ACBD6: variants seen among roughly 807,000 people sequenced by gnomAD.
ACBD6 encodes the protein acyl-CoA-binding domain-containing protein 6.
A neutral mutation model predicts 37.2 loss-of-function variants in ACBD6; 28 were observed. The ratio of observed to expected loss-of-function variants is 0.75; its 90% CI spans 0.56 to 1.03. The LOEUF is 1.03. Ranked by LOEUF, ACBD6 falls within the 50% of genes least tolerant of loss-of-function variation. ACBD6 has a pLI of 0.00. For missense variants in ACBD6, 340 were observed against 337.4 expected (o/e 1.01, Z -0.06); for synonymous variants, 113 against 126.8 (o/e 0.89, Z 0.73).
Position 180,330,285 on chromosome 1 carries a change from C to T in ACBD6, c.664-15563G>A, listed in dbSNP as rs1428301317. On this transcript the variant is annotated intron_variant, in intron 6 of 7. Transcript: ENST00000367595. ...TTTTTTTTTTTAAAGCCAGGTGTGG[C>T]GGTGCACACCTCTGGTCCCAGCTAT... is the stretch of plus-strand genomic sequence containing the variant. 4.7e-5 allele frequency among the ~76,000 whole-genome samples: 7 copies of T among 149,020 alleles called. No individual in the cohort carries two copies. The East Asian group carries it at 7.9e-4, about 17-fold the overall frequency.
intron 6 of ACBD6, among the ~76,000 whole-genome samples, chr1:180,388,709 G>T (rs983900836): frequency 6.6e-6 from 1 of 151,922 alleles, no homozygotes; most frequent in East Asian, 1.9e-4. Context: ...CCAAAGTGCT[G>T]GGATTACAGG....
At chr1:180,274,414 T>C (rs1414840909) in intron 10 of ACBD6, 1 of 1,614,162 alleles carries the variant, frequency 6.2e-7, no homozygotes, top group Admixed American at 1.7e-5. Context: ...CGGTGGACAG[T>C]AATTTGGGCA....
chr1:180,329,444 G>A (rs914256037), intron 6 of ACBD6, among the ~76,000 whole-genome samples: 5 of 152,094 alleles, frequency 3.3e-5, no homozygotes, highest in African/African-American at 1.2e-4. Flanking sequence ...CTAAGGATTG[G>A]AAATCAGACA....
intron 4 of ACBD6, among the ~76,000 whole-genome samples, chr1:180,426,779 T>C (rs957210954): frequency 3.9e-5 from 6 of 152,228 alleles, no homozygotes; most frequent in South Asian, 2.1e-4. Context: ...AGGATGTCTA[T>C]GTATTCACAT....
chr1:180,374,897 T>C (rs1333377672), intron 6 of ACBD6, among the ~76,000 whole-genome samples: 1 of 152,036 alleles, frequency 6.6e-6, no homozygotes, highest in Non-Finnish European at 1.5e-5. Flanking sequence ...TTTAAGAATT[T>C]AATAAGAAAT....
chr1:180,276,908 A>AATC (rs1359658566), intron 9 of ACBD6: 1 of 152,166 alleles, frequency 6.6e-6, no homozygotes, highest in East Asian at 1.9e-4. Flanking sequence ...TTTGTAAGTT[A>AATC]ATCATACTAA....
chr1:180,279,446 G>A (rs1042362742), intron 9 of ACBD6, among the ~76,000 whole-genome samples: 7 of 152,070 alleles, frequency 4.6e-5, no homozygotes, highest in South Asian at 4.1e-4. Context: ...ACAGGCATGC[G>A]CAAACACGCC....
intron 3 of ACBD6, chr1:180,435,867 T>G: frequency 7.4e-7 from 1 of 1,349,250 alleles, no homozygotes; most frequent in African/African-American, 1.4e-5. Context: ...AAATTGACAC[T>G]GTCAGCTCTT....
chr1:180,446,658 G>A (rs879405173), intron 3 of ACBD6, among the ~76,000 whole-genome samples: 2 of 152,060 alleles, frequency 1.3e-5, no homozygotes, highest in East Asian at 3.9e-4. Flanking sequence ...CAAGAAAGGG[G>A]AACTCCATAA....
exon 14 of ACBD6, chr1:180,271,249 C>A: frequency 2.0e-6 from 2 of 987,518 alleles, no homozygotes; most frequent in Non-Finnish European, 3.3e-6. Flanking sequence ...ACTCTGATGT[C>A]CCCTGTGCCT....
chr1:180,349,682 T>G (rs546069750), intron 6 of ACBD6, among the ~76,000 whole-genome samples: 47 of 152,274 alleles, frequency 3.1e-4, no homozygotes, highest in Non-Finnish European at 5.1e-4. Context: ...AAGATGGGCT[T>G]TGTTAGAGTC....
chr1:180,301,081 TG>T (rs557278464), intron 7 of ACBD6, among the ~76,000 whole-genome samples: 1 of 152,138 alleles, frequency 6.6e-6, no homozygotes, highest in Non-Finnish European at 1.5e-5. Context: ...CAATTAAAAA[TG>T]GGGGAAGGCA....
At chr1:180,456,865 G>A (rs2102035700) in intron 3 of ACBD6, among the ~76,000 whole-genome samples, 1 of 152,178 alleles carries the variant, frequency 6.6e-6, no homozygotes, top group South Asian at 2.1e-4. Flanking sequence ...AAGTAGCTGG[G>A]ACTACAGGTG....
At chr1:180,474,639 A>G (rs551936224) in intron 3 of ACBD6, among the ~76,000 whole-genome samples, 1 of 152,324 alleles carries the variant, frequency 6.6e-6, no homozygotes, top group African/African-American at 2.4e-5. Flanking sequence ...CAAGACTGTT[A>G]AAAGGACTAA....
intron 6 of ACBD6, among the ~76,000 whole-genome samples, chr1:180,338,533 T>C (rs2149304926): frequency 6.6e-6 from 1 of 152,282 alleles, no homozygotes. Context: ...TAATTCAAGA[T>C]GGATTAAAGA....
chr1:180,352,896 A>G (rs1162805936), intron 6 of ACBD6, among the ~76,000 whole-genome samples: 12 of 152,168 alleles, frequency 7.9e-5, no homozygotes. Context: ...AGAATAGTGT[A>G]CCTGTAAGTA....
rs1051778993 is a variant in ACBD6 at position 180,319,567 on chromosome 1, A to G, written c.664-4845T>C. On this transcript the variant is annotated intron_variant, in intron 6 of 7. Coordinates refer to ENST00000367595, the MANE Select transcript of ACBD6 (RefSeq NM_032360.4). ...AATTAAATTATTATTGACCATAGTCACCCTGTTATGCTATCAAATATTAGG... is the reference window on the plus strand; with the variant it reads ...AATTAAATTATTATTGACCATAGTCGCCCTGTTATGCTATCAAATATTAGG... 2.0e-5 allele frequency among the ~76,000 whole-genome samples: 3 copies of G among 152,262 alleles called. 1 individual carries two copies. The highest frequency in any genetic ancestry group is 2.0e-4 in the Admixed American group (3 of 15,302).
At chr1:180,282,972 GTTTTTTTTTTT>G (rs34828086) in intron 8 of ACBD6, among the ~76,000 whole-genome samples, 1 of 109,990 alleles carries the variant, frequency 9.1e-6, no homozygotes, top group Non-Finnish European at 1.8e-5. Flanking sequence ...ATGTCTTTCT[GTTTTTTTTTTT>G]TTTTTTTTTT....
At chr1:180,387,393 G>A (rs1487684987) in intron 6 of ACBD6, among the ~76,000 whole-genome samples, 2 of 152,178 alleles carry the variant, frequency 1.3e-5, no homozygotes, top group African/African-American at 4.8e-5. Context: ...TCCAGGGTGG[G>A]AGGTGATGGA....
Sources: allele counts gnomAD v4.1 joint callset (sites outside exome capture counted in the v4.1 genomes callset), GRCh38; gene constraint gnomAD v4.1.1; transcripts MANE v1.5; gene names NCBI Gene and HGNC (gene_info 2026-07-23, HGNC 2026-07-21).